Variants in OPHN1 observed in about 807,000 individuals in gnomAD.
OPHN1 encodes the protein oligophrenin-1.
Under a neutral mutation model 60.7 loss-of-function variants are expected in OPHN1, and 11 were observed. The ratio of observed to expected loss-of-function variants is 0.18; its 90% CI spans 0.11 to 0.30. The LOEUF is 0.30. Among genes scored for constraint, OPHN1 ranks in the 10% least tolerant of loss-of-function variants. OPHN1 has a pLI of 1.00. For synonymous variants in OPHN1, 226 were observed against 222.6 expected, an observed-to-expected ratio of 1.02 and a Z score of -0.14; for missense variants, 449 against 611.0, an observed-to-expected ratio of 0.73 and a Z score of 2.80.
chrX:68,325,639 T>C, intron 2 of OPHN1, among the ~76,000 whole-genome samples: 1 of 5,457 alleles, frequency 1.8e-4, no homozygotes, highest in Non-Finnish European at 2.7e-4. Flanking sequence ...CCCTCTCCCG[T>C]TTCCCTCTCC....
chrX:68,316,011 T>TA (rs757641968), intron 2 of OPHN1, among the ~76,000 whole-genome samples: 27 of 109,774 alleles, frequency 2.5e-4, no homozygotes, highest in Non-Finnish European at 4.2e-4. Flanking sequence ...AACTAAAAAT[T>TA]AAAAAAAACA....
chrX:68,292,260 A>G (rs1182794202), intron 3 of OPHN1, among the ~76,000 whole-genome samples: 1 of 111,476 alleles, frequency 9.0e-6, no homozygotes, highest in Non-Finnish European at 1.9e-5. Context: ...TGCTATGTTC[A>G]TGGTATATTA....
At chrX:68,261,048 C>T (rs1228302596) in intron 5 of OPHN1, among the ~76,000 whole-genome samples, 1 of 111,710 alleles carries the variant, frequency 9.0e-6, no homozygotes, top group Admixed American at 9.5e-5. Context: ...AATCCCATGT[C>T]CTGTCATCAA....
In OPHN1 at chrX:68,396,437, G is replaced by A. The variant is rs533602170; in HGVS notation, c.154+36430C>T. Reference sequence around the variant, plus strand: ...AAAAAAAAAAAAACAAGGTTGTGGAGGCTAGGTGAATCTACATGTCTCTCC... The same window carrying A: ...AAAAAAAAAAAAACAAGGTTGTGGAAGCTAGGTGAATCTACATGTCTCTCC... On this transcript the variant is annotated intron_variant, in intron 2 of 24. Transcript: ENST00000355520. 8.4e-4 allele frequency among the ~76,000 whole-genome samples: 89 copies of A among 106,456 alleles called. 3 individuals are homozygous for A. The South Asian group carries it at 0.038, about 46-fold the overall frequency. 92.4% of individuals were successfully genotyped at this position (106,456 alleles called of 115,157 possible). A position where few individuals can be genotyped will look rare whatever the true frequency, so the allele number is the denominator to read the frequency against.
At chrX:68,115,465 G>T (rs2077123123) in intron 16 of OPHN1, among the ~76,000 whole-genome samples, 1 of 112,322 alleles carries the variant, frequency 8.9e-6, no homozygotes, top group African/African-American at 3.2e-5. Flanking sequence ...TGACTAAAAT[G>T]ACCAAAGAGG....
At chrX:68,153,143 G>A (rs2077292746) in intron 15 of OPHN1, among the ~76,000 whole-genome samples, 1 of 106,403 alleles carries the variant, frequency 9.4e-6, no homozygotes, top group African/African-American at 3.4e-5. Flanking sequence ...CCCGGGAGGC[G>A]GAGGTTGCAG....
intron 6 of OPHN1, among the ~76,000 whole-genome samples, chrX:68,223,037 A>G (rs1408587276): frequency 8.9e-6 from 1 of 112,160 alleles, no homozygotes; most frequent in East Asian, 2.8e-4. Context: ...AAAAAGTCAA[A>G]AAACAAAAGA....
intron 2 of OPHN1, among the ~76,000 whole-genome samples, chrX:68,431,584 T>A (rs2078885996): frequency 1.2e-4 from 1 of 8,259 alleles, no homozygotes; most frequent in African/African-American, 1.6e-4. Context: ...GCCCAGCTAA[T>A]TTTTTTTTTT....
At chrX:68,286,454 C>A (rs2147610073) in intron 3 of OPHN1, among the ~76,000 whole-genome samples, 1 of 110,901 alleles carries the variant, frequency 9.0e-6, no homozygotes, top group South Asian at 3.9e-4. Context: ...GAAGGTCAGC[C>A]AGAAGTGGGA....
At chrX:68,121,375 G>T (rs1417908294) in intron 15 of OPHN1, among the ~76,000 whole-genome samples, 1 of 111,879 alleles carries the variant, frequency 8.9e-6, no homozygotes, top group Admixed American at 9.5e-5. Flanking sequence ...ACTGGAATGT[G>T]TGCACTTCAG....
intron 19 of OPHN1, among the ~76,000 whole-genome samples, chrX:68,093,804 G>C (rs1198072478): frequency 1.8e-5 from 2 of 110,556 alleles, no homozygotes; most frequent in Non-Finnish European, 3.8e-5. Flanking sequence ...GTATAGTCTA[G>C]ATATTAATCC....
intron 5 of OPHN1, among the ~76,000 whole-genome samples, chrX:68,253,139 A>G (rs892299969): frequency 8.9e-6 from 1 of 112,154 alleles, no homozygotes; most frequent in Non-Finnish European, 1.9e-5. Context: ...TTGATTTTCA[A>G]AACAGAAATC....
intron 22 of OPHN1, among the ~76,000 whole-genome samples, chrX:68,053,103 T>A (rs1034958149): frequency 4.5e-5 from 5 of 111,605 alleles, no homozygotes; most frequent in Non-Finnish European, 9.4e-5. Context: ...GGTCCCACCC[T>A]AGCTGCTCCT....
intron 2 of OPHN1, among the ~76,000 whole-genome samples, chrX:68,305,428 T>A (rs1026475998): frequency 8.9e-6 from 1 of 112,148 alleles, no homozygotes; most frequent in Non-Finnish European, 1.9e-5. Flanking sequence ...CTTTGAAAAG[T>A]TGCAATGTAA....
intron 19 of OPHN1, among the ~76,000 whole-genome samples, chrX:68,087,549 T>C (rs1332362001): frequency 1.8e-5 from 2 of 111,985 alleles, no homozygotes; most frequent in Non-Finnish European, 3.8e-5. Context: ...TAATATAAGA[T>C]GGTCATTTCC....
intron 15 of OPHN1, among the ~76,000 whole-genome samples, chrX:68,167,453 T>C (rs1265193046): frequency 9.0e-6 from 1 of 110,562 alleles, no homozygotes; most frequent in Non-Finnish European, 1.9e-5. Flanking sequence ...CCACAAAAAA[T>C]CTCAAAATTG....
chrX:68,366,561 C>A (rs1429774735), intron 2 of OPHN1, among the ~76,000 whole-genome samples: 1 of 110,698 alleles, frequency 9.0e-6, no homozygotes, highest in African/African-American at 3.3e-5. Flanking sequence ...ACTATGTTGG[C>A]CAGGCTGGTC....
Position 68,433,405 on chromosome X carries a change from G to C in OPHN1, c.-242C>G, listed in dbSNP as rs1339102938. 4 of 278,691 alleles carry C rather than the reference G, an allele frequency of 1.4e-5. No homozygotes were observed. The highest frequency in any genetic ancestry group is 2.5e-5 in the Non-Finnish European group (4 of 159,280). The allele number at this position is 278,691 out of a possible 1,213,427, so 23.0% of individuals were successfully genotyped here. On this transcript the variant is annotated 5_prime_UTR_variant, in exon 1 of 25. Transcript: ENST00000355520. ...TGAGCAATTGCAAACGTGACACTTG[G>C]GCCCGCCCAAGGTGTAGGCGAGGTT...
intron 2 of OPHN1, among the ~76,000 whole-genome samples, chrX:68,378,140 G>A (rs2078571373): frequency 8.9e-6 from 1 of 112,062 alleles, no homozygotes; most frequent in African/African-American, 3.2e-5. Flanking sequence ...GTGTGAGATG[G>A]TATCTCATTG....
Sources: allele counts gnomAD v4.1 joint callset (sites outside exome capture counted in the v4.1 genomes callset), GRCh38; gene constraint gnomAD v4.1.1; transcripts MANE v1.5; gene names NCBI Gene and HGNC (gene_info 2026-07-23, HGNC 2026-07-21).